CTNNA2: variants seen among roughly 807,000 people sequenced by gnomAD.
CTNNA2 encodes the protein catenin alpha 2.
CTNNA2 carries 42 observed loss-of-function variants against 101.0 expected under a neutral mutation model. That is an observed-to-expected ratio of 0.42 (90% CI 0.32 to 0.54). The LOEUF (loss-of-function observed/expected upper bound fraction) is 0.54, where lower values mean the gene tolerates loss of function less well. Ranked by LOEUF, CTNNA2 falls within the 20% of genes least tolerant of loss-of-function variation. CTNNA2 has a pLI of 0.14. For missense variants in CTNNA2, 871 were observed against 1,223.1 expected (o/e 0.71, Z 4.29); for synonymous variants, 450 against 456.4 (o/e 0.99, Z 0.18).
chr2:80,257,529 A>G (rs971255151), intron 7 of CTNNA2, among the ~76,000 whole-genome samples: 4 of 152,206 alleles, frequency 2.6e-5, no homozygotes, highest in African/African-American at 9.6e-5. Context: ...AGGACTTTTC[A>G]TCATATTCTG....
chr2:80,635,362 CTAAT>C (rs2149839926), intron 18 of CTNNA2, among the ~76,000 whole-genome samples: 1 of 152,220 alleles, frequency 6.6e-6, no homozygotes, highest in Admixed American at 6.5e-5. Flanking sequence ...AAATTTAAAA[CTAAT>C]TTAGTTAAAA....
chr2:80,168,062 G>C (rs1704813451), intron 7 of CTNNA2, among the ~76,000 whole-genome samples: 1 of 152,182 alleles, frequency 6.6e-6, no homozygotes, highest in South Asian at 2.1e-4. Flanking sequence ...CCTTGGGGGA[G>C]AAGCAGGGAA....
At chr2:79,323,539 A>T (rs1302423347) in intron 3 of CTNNA2, among the ~76,000 whole-genome samples, 1 of 152,142 alleles carries the variant, frequency 6.6e-6, no homozygotes, top group Non-Finnish European at 1.5e-5. Flanking sequence ...AAAAAAAAAT[A>T]GAACAAAGTA....
At chr2:80,436,922 A>G (rs1262652329) in intron 9 of CTNNA2, among the ~76,000 whole-genome samples, 1 of 152,074 alleles carries the variant, frequency 6.6e-6, no homozygotes, top group Admixed American at 6.5e-5. Flanking sequence ...AGACAATAGC[A>G]CTCCTCAAAA....
intron 1 of CTNNA2, among the ~76,000 whole-genome samples, chr2:79,637,924 T>A (rs1326832213): frequency 1.3e-5 from 2 of 152,204 alleles, no homozygotes; most frequent in East Asian, 1.9e-4. Context: ...GCAGTGTGAA[T>A]GTAGCATAAG....
rs537539934 is a variant in CTNNA2 at position 80,383,593 on chromosome 2, G to A, written c.1057-9618G>A. ...GATTTTGAGCTTTTCTTTGAAGAAT[G>A]GGTACAACCTGGCTAGGTGAATTGT... is the stretch of plus-strand genomic sequence containing the variant. On this transcript the variant is annotated intron_variant, in intron 7 of 18. Transcript: ENST00000402739. Among the ~76,000 whole-genome samples the A allele has an allele frequency of 2.0e-5, 3 of 152,260 alleles. No individual in the cohort carries two copies. The East Asian group carries it at 5.8e-4, about 29-fold the overall frequency.
chr2:80,617,955 G>GAT (rs1432321012), intron 17 of CTNNA2, among the ~76,000 whole-genome samples: 1 of 151,908 alleles, frequency 6.6e-6, no homozygotes, highest in African/African-American at 2.4e-5. Flanking sequence ...TGTGGAAAGA[G>GAT]ATGGTTTCAC....
At chr2:79,815,998 A>AT (rs148404305) in intron 3 of CTNNA2, among the ~76,000 whole-genome samples, 86 of 149,146 alleles carry the variant, frequency 5.8e-4, no homozygotes, top group Middle Eastern at 3.5e-3. Flanking sequence ...ATTCCTAAGT[A>AT]TTTTTTTTTT....
At chr2:79,205,160 T>C (rs967947395) in intron 2 of CTNNA2, among the ~76,000 whole-genome samples, 1 of 152,184 alleles carries the variant, frequency 6.6e-6, no homozygotes, top group Admixed American at 6.5e-5. Context: ...TCAGGACACA[T>C]ACAGTGGCAG....
intron 6 of CTNNA2, among the ~76,000 whole-genome samples, chr2:79,891,264 G>C (rs1028329411): frequency 6.6e-6 from 1 of 152,102 alleles, no homozygotes; most frequent in Non-Finnish European, 1.5e-5. Context: ...TTGCATGGAA[G>C]TTAAGAATCG....
chr2:79,391,058 G>A (rs1678166615), intron 4 of CTNNA2, among the ~76,000 whole-genome samples: 1 of 152,124 alleles, frequency 6.6e-6, no homozygotes, highest in Admixed American at 6.5e-5. Flanking sequence ...CCCCACTTTG[G>A]TATTCACCAT....
intron 7 of CTNNA2, among the ~76,000 whole-genome samples, chr2:80,264,244 A>G (rs953294507): frequency 2.0e-5 from 3 of 152,072 alleles, no homozygotes; most frequent in Non-Finnish European, 4.4e-5. Context: ...AAATAGCATC[A>G]TTTTGCTATT....
intron 7 of CTNNA2, among the ~76,000 whole-genome samples, chr2:80,332,925 G>A (rs937493744): frequency 2.6e-5 from 4 of 151,988 alleles, no homozygotes; most frequent in Admixed American, 6.5e-5. Context: ...TTAAATGGCT[G>A]GAAATAAACC....
intron 2 of CTNNA2, among the ~76,000 whole-genome samples, chr2:79,251,225 G>A (rs1420533380): frequency 6.6e-5 from 10 of 152,128 alleles, no homozygotes; most frequent in Non-Finnish European, 1.0e-4. Context: ...CTGCGCTTCC[G>A]AAGCAGGCTG....
chr2:79,394,454 A>C (rs2104474974), intron 4 of CTNNA2, among the ~76,000 whole-genome samples: 1 of 152,348 alleles, frequency 6.6e-6, no homozygotes, highest in South Asian at 2.1e-4. Context: ...TAAATACGTA[A>C]CAGAAACCTA....
At chr2:79,302,803 T>C (rs533829287) in intron 2 of CTNNA2, among the ~76,000 whole-genome samples, 1 of 152,304 alleles carries the variant, frequency 6.6e-6, no homozygotes, top group African/African-American at 2.4e-5. Context: ...ACCATAATAA[T>C]AAAATTTGCC....
intron 7 of CTNNA2, among the ~76,000 whole-genome samples, chr2:80,209,051 A>C (rs1427949852): frequency 6.6e-6 from 1 of 152,232 alleles, no homozygotes; most frequent in African/African-American, 2.4e-5. Context: ...TAAAGTAAAT[A>C]GAAAATATCA....
chr2:79,799,483 G>A (rs1675989039), intron 3 of CTNNA2, among the ~76,000 whole-genome samples: 3 of 152,046 alleles, frequency 2.0e-5, no homozygotes, highest in Non-Finnish European at 4.4e-5. Context: ...GTAGAAATGA[G>A]CCCTATTGTA....
intron 3 of CTNNA2, among the ~76,000 whole-genome samples, chr2:79,810,395 C>T (rs1676917759): frequency 6.6e-6 from 1 of 152,010 alleles, no homozygotes; most frequent in Non-Finnish European, 1.5e-5. Flanking sequence ...ATGGGGGAAA[C>T]CGCCCCATGA....
Sources: allele counts gnomAD v4.1 joint callset (sites outside exome capture counted in the v4.1 genomes callset), GRCh38; gene constraint gnomAD v4.1.1; transcripts MANE v1.5; gene names NCBI Gene and HGNC (gene_info 2026-07-23, HGNC 2026-07-21).